SPATA31F1: variants seen among roughly 807,000 people sequenced by gnomAD.
The protein encoded by SPATA31F1 is SPATA31 subfamily F member 1.
chr9:34,723,874 T>C, the SPATA31F1 span: 1 of 1,551,628 alleles, frequency 6.4e-7, no homozygotes, highest in Non-Finnish European at 8.7e-7. Flanking sequence ...GAGGTAGCTG[T>C]GGGAGCTTAA....
the SPATA31F1 span, chr9:34,729,485 T>C: frequency 2.0e-6 from 3 of 1,501,104 alleles, no homozygotes; most frequent in African/African-American, 4.2e-5. Context: ...TTCAGGGTTC[T>C]GGTGCCTAAT....
chr9:34,726,749 G>GA, the SPATA31F1 span: 16 of 1,551,612 alleles, frequency 1.0e-5, no homozygotes, highest in Non-Finnish European at 1.4e-5. Context: ...AGATGACAGT[G>GA]AAAGCTCTCT....
At chr9:34,726,885 C>T in the SPATA31F1 span, 1 of 1,551,808 alleles carries the variant, frequency 6.4e-7, no homozygotes, top group Non-Finnish European at 8.7e-7. Context: ...TTCTCACCCA[C>T]CAGCAATTGC....
At chr9:34,727,916 C>A in the SPATA31F1 span, 40 of 1,056,766 alleles carry the variant, frequency 3.8e-5, no homozygotes, top group Admixed American at 7.4e-5. Context: ...CTGTGTATGT[C>A]TCCCTCCCAG....
the SPATA31F1 span, chr9:34,723,332 G>A: frequency 6.4e-7 from 1 of 1,551,572 alleles, no homozygotes; most frequent in African/African-American, 1.4e-5. Context: ...AGGTTGTCTG[G>A]AGTGTAGCCG....
chr9:34,725,834 A>C, the SPATA31F1 span: 1 of 1,551,306 alleles, frequency 6.4e-7, no homozygotes, highest in Non-Finnish European at 8.7e-7. Flanking sequence ...ATTGAAGAGA[A>C]AAGGATCCTT....
the SPATA31F1 span, chr9:34,726,027 T>C: frequency 1.3e-6 from 2 of 1,538,124 alleles, no homozygotes; most frequent in Admixed American, 2.0e-5. Flanking sequence ...CTTAGGGCTT[T>C]AAGGGCTGGA....
At chr9:34,726,755 T>A in the SPATA31F1 span, 4 of 1,551,606 alleles carry the variant, frequency 2.6e-6, no homozygotes, top group Admixed American at 2.0e-5. Flanking sequence ...CAGTGAAAGC[T>A]CTCTGGTGTG....
At chr9:34,727,380 C>T in the SPATA31F1 span, among the ~76,000 whole-genome samples, 1 of 152,216 alleles carries the variant, frequency 6.6e-6, no homozygotes, top group African/African-American at 2.4e-5. Context: ...CTAAGAAATC[C>T]AAAGCCTGTA....
the SPATA31F1 span, chr9:34,726,313 C>G: frequency 2.0e-6 from 3 of 1,531,846 alleles, no homozygotes; most frequent in African/African-American, 2.8e-5. Context: ...GTCTTGGGAG[C>G]CCCCACCTCT....
the SPATA31F1 span, chr9:34,729,232 T>A: frequency 6.6e-7 from 1 of 1,523,614 alleles, no homozygotes. Flanking sequence ...GGTAAGAACT[T>A]ATAGGCTTCT....
chr9:34,728,778 C>G, the SPATA31F1 span: 3 of 856,348 alleles, frequency 3.5e-6, no homozygotes, highest in Non-Finnish European at 5.5e-6. Flanking sequence ...ATTTTATACA[C>G]TCTCCTGGAC....
the SPATA31F1 span, chr9:34,727,006 G>A: frequency 2.6e-6 from 4 of 1,540,286 alleles, no homozygotes; most frequent in Non-Finnish European, 3.5e-6. Flanking sequence ...GGGAAACACG[G>A]CAAAATTAAC....
the SPATA31F1 span, chr9:34,723,729 A>G: frequency 6.4e-7 from 1 of 1,551,708 alleles, no homozygotes; most frequent in South Asian, 1.2e-5. Flanking sequence ...TGGCTCAGGA[A>G]AGGCTGACCC....
At chr9:34,726,153 A>C in the SPATA31F1 span, 21 of 1,291,564 alleles carry the variant, frequency 1.6e-5, no homozygotes, top group East Asian at 2.6e-5. Flanking sequence ...CCAGCCACAC[A>C]TGAACACCAG....
At chr9:34,723,644 T>C in the SPATA31F1 span, 12 of 1,551,724 alleles carry the variant, frequency 7.7e-6, no homozygotes, top group African/African-American at 1.4e-5. Flanking sequence ...CTTTTGAGCA[T>C]GGACTGGCAT....
the SPATA31F1 span, chr9:34,723,536 A>C: frequency 6.4e-7 from 1 of 1,551,650 alleles, no homozygotes; most frequent in African/African-American, 1.4e-5. Flanking sequence ...GGCTGAGAAC[A>C]TGGAGTCCTC....
the SPATA31F1 span, chr9:34,725,754 G>A: frequency 3.0e-5 from 46 of 1,549,788 alleles, no homozygotes; most frequent in South Asian, 2.0e-4. Context: ...ATCCAGTTTG[G>A]GGAAAGTGGG....
At chr9:34,724,739 T>C in the SPATA31F1 span, 1 of 1,551,720 alleles carries the variant, frequency 6.4e-7, no homozygotes, top group East Asian at 2.4e-5. Flanking sequence ...ACTTATACAC[T>C]GTTCTTCAAA....
Sources: gnomAD v4.1 joint callset for allele counts (sites outside exome capture counted in the v4.1 genomes callset) on GRCh38, gnomAD v4.1.1 for gene constraint, MANE v1.5 for transcripts, NCBI Gene and HGNC (gene_info 2026-07-23, HGNC 2026-07-21) for gene names.